GMDS: variants seen among roughly 807,000 people sequenced by gnomAD.
The protein encoded by GMDS is GDP-mannose 4,6 dehydratase.
A neutral mutation model predicts 49.9 loss-of-function variants in GMDS; 20 were observed. The observed-to-expected ratio is 0.40, with a 90% CI of 0.28 to 0.58. The LOEUF (loss-of-function observed/expected upper bound fraction) is 0.58. GMDS is among the 20% of genes least tolerant of loss of function. The pLI is 0.42. For synonymous variants in GMDS, 177 were observed against 178.6 expected (o/e 0.99, Z 0.07); for missense variants, 362 against 481.4 (o/e 0.75, Z 2.32).
chr6:2,238,981 C>T (rs559145253), intron 1 of GMDS, among the ~76,000 whole-genome samples: 2 of 152,092 alleles, frequency 1.3e-5, no homozygotes, highest in African/African-American at 2.4e-5. Flanking sequence ...TCTTAGTTTA[C>T]AAACTTAATT....
At chr6:1,776,453 C>CGAG (rs1026141023) in intron 7 of GMDS, among the ~76,000 whole-genome samples, 2 of 151,024 alleles carry the variant, frequency 1.3e-5, no homozygotes, top group African/African-American at 4.9e-5. Context: ...TTTGGGGGGC[C>CGAG]GAGGCATGGA....
chr6:2,054,588 C>A (rs571371901), intron 4 of GMDS, among the ~76,000 whole-genome samples: 6 of 152,218 alleles, frequency 3.9e-5, no homozygotes, highest in African/African-American at 1.4e-4. Flanking sequence ...AGCAAAGAGA[C>A]AGACCTAGAG....
chr6:1,824,417 G>GC (rs913591088), intron 7 of GMDS, among the ~76,000 whole-genome samples: 3 of 151,856 alleles, frequency 2.0e-5, no homozygotes, highest in African/African-American at 4.8e-5. Context: ...GCCGCGCCCC[G>GC]CCCCCCATAC....
chr6:1,867,085 T>C (rs1325832412), intron 7 of GMDS, among the ~76,000 whole-genome samples: 1 of 152,242 alleles, frequency 6.6e-6, no homozygotes. Context: ...TCACTGACAA[T>C]AATTTACAGA....
intron 9 of GMDS, among the ~76,000 whole-genome samples, chr6:1,625,860 A>G (rs1762836634): frequency 6.6e-6 from 1 of 152,244 alleles, no homozygotes; most frequent in African/African-American, 2.4e-5. Context: ...ACCGAACGCA[A>G]AGGCCGTACG....
chr6:2,208,259 A>G (rs1779896469), intron 1 of GMDS, among the ~76,000 whole-genome samples: 2 of 152,208 alleles, frequency 1.3e-5, no homozygotes, highest in South Asian at 4.1e-4. Flanking sequence ...CTGCTGGAGC[A>G]GTTTAGATTA....
chr6:1,699,223 C>T (rs903716341), intron 9 of GMDS, among the ~76,000 whole-genome samples: 1 of 151,494 alleles, frequency 6.6e-6, no homozygotes, highest in East Asian at 1.9e-4. Context: ...CATCAGGCTG[C>T]GGAAATGAGC....
chr6:2,010,075 T>C (rs1341211174), intron 4 of GMDS, among the ~76,000 whole-genome samples: 1 of 152,006 alleles, frequency 6.6e-6, no homozygotes, highest in Non-Finnish European at 1.5e-5. Flanking sequence ...ACACCTGTAA[T>C]CCCAGCACTT....
intron 7 of GMDS, among the ~76,000 whole-genome samples, chr6:1,832,798 T>C (rs918209194): frequency 6.6e-6 from 1 of 152,220 alleles, no homozygotes; most frequent in African/African-American, 2.4e-5. Flanking sequence ...AAAGCGAACT[T>C]TTCATTTTCT....
At chr6:2,115,363 T>G (rs559431351) in intron 4 of GMDS, among the ~76,000 whole-genome samples, 1 of 152,240 alleles carries the variant, frequency 6.6e-6, no homozygotes, top group Non-Finnish European at 1.5e-5. Context: ...CTCAAAAATA[T>G]TCTCTCAGCC....
intron 4 of GMDS, among the ~76,000 whole-genome samples, chr6:2,070,210 T>C (rs183808310): frequency 4.7e-4 from 68 of 144,266 alleles, no homozygotes; most frequent in East Asian, 4.4e-3. Flanking sequence ...TAGGTGGCAA[T>C]TGAACAATGA....
intron 1 of GMDS, among the ~76,000 whole-genome samples, chr6:2,169,802 C>G (rs1364896722): frequency 1.3e-5 from 2 of 152,168 alleles, no homozygotes; most frequent in African/African-American, 4.8e-5. Context: ...ATTCAAAACA[C>G]AGATCCAGAG....
chr6:2,066,785 A>G (rs980152698), intron 4 of GMDS, among the ~76,000 whole-genome samples: 8 of 152,194 alleles, frequency 5.3e-5, no homozygotes, highest in African/African-American at 1.7e-4. Context: ...TGAACTACAA[A>G]GAGACTTAGA....
chr6:1,774,185 G>A (rs562903337), intron 7 of GMDS, among the ~76,000 whole-genome samples: 12 of 152,280 alleles, frequency 7.9e-5, no homozygotes, highest in Admixed American at 3.3e-4. Context: ...TCTTTTCTTA[G>A]CTGTAATGTT....
chr6:2,143,480 T>A (rs1349507157), intron 1 of GMDS, among the ~76,000 whole-genome samples: 2 of 152,242 alleles, frequency 1.3e-5, no homozygotes, highest in Non-Finnish European at 2.9e-5. Context: ...CAGGATAAAC[T>A]GACTGTGCTA....
At chr6:1,679,965 A>C (rs948209612) in intron 9 of GMDS, 2 of 152,222 alleles carry the variant, frequency 1.3e-5, no homozygotes, top group Non-Finnish European at 2.9e-5. Flanking sequence ...AACAAAATAA[A>C]AGATTGACAA....
At chr6:1,811,866 C>G (rs1478359300) in intron 7 of GMDS, among the ~76,000 whole-genome samples, 1 of 152,166 alleles carries the variant, frequency 6.6e-6, no homozygotes, top group Non-Finnish European at 1.5e-5. Flanking sequence ...CACAAATCCA[C>G]TAGAAATTAA....
At chr6:2,121,921 G>A (rs527802244) in intron 2 of GMDS, among the ~76,000 whole-genome samples, 52 of 152,220 alleles carry the variant, frequency 3.4e-4, no homozygotes, top group Non-Finnish European at 6.8e-4. Context: ...AAAATGCACA[G>A]CTGGCCTTAC....
At chr6:1,991,303 C>A (rs1765922987) in intron 4 of GMDS, among the ~76,000 whole-genome samples, 1 of 152,176 alleles carries the variant, frequency 6.6e-6, no homozygotes, top group Non-Finnish European at 1.5e-5. Context: ...TCAACTTCTT[C>A]TTCTGGTCTC....
Sources: allele counts gnomAD v4.1 joint callset (sites outside exome capture counted in the v4.1 genomes callset), GRCh38; gene constraint gnomAD v4.1.1; transcripts MANE v1.5; gene names NCBI Gene and HGNC (gene_info 2026-07-23, HGNC 2026-07-21).